The following LIX1 variants were observed in gnomAD, a reference collection of about 807,000 sequenced individuals.
LIX1 encodes protein limb expression 1 homolog.
In LIX1, 24 loss-of-function variants were observed where a neutral mutation model predicts 33.4. That is an observed-to-expected ratio of 0.72 (90% CI 0.52 to 1.01). LIX1 has a LOEUF of 1.01. LIX1 is among the 50% of genes least tolerant of loss of function. The pLI is 0.00. For synonymous variants in LIX1, 124 were observed against 124.0 expected (o/e 1.00, Z 0.00); for missense variants, 311 against 339.2 (o/e 0.92, Z 0.65).
chr5:97,113,421 T>C (rs1404288553), intron 2 of LIX1, among the ~76,000 whole-genome samples: 1 of 152,242 alleles, frequency 6.6e-6, no homozygotes, highest in Non-Finnish European at 1.5e-5. Flanking sequence ...TCACCACAGG[T>C]AATTAAGAAG....
At chr5:97,131,524 C>T (rs187217026) in intron 1 of LIX1, among the ~76,000 whole-genome samples, 5 of 145,204 alleles carry the variant, frequency 3.4e-5, no homozygotes, top group African/African-American at 1.1e-4. Flanking sequence ...GGCTGTACTT[C>T]CTTCTGGCCA....
intron 2 of LIX1, among the ~76,000 whole-genome samples, chr5:97,122,821 C>G (rs888048141): frequency 1.3e-5 from 2 of 152,166 alleles, no homozygotes; most frequent in Admixed American, 6.5e-5. Flanking sequence ...CCTCTAAATC[C>G]TTACTGAAGG....
intron 2 of LIX1, among the ~76,000 whole-genome samples, 174 bp downstream of exon 2, chr5:97,124,292 A>T (rs1747856082): frequency 6.6e-6 from 1 of 152,216 alleles, no homozygotes; most frequent in South Asian, 2.1e-4. Flanking sequence ...TTAAAAGGGT[A>T]TTTATAAAGG....
At chr5:97,120,372 G>A (rs1747747361) in intron 2 of LIX1, among the ~76,000 whole-genome samples, 1 of 152,174 alleles carries the variant, frequency 6.6e-6, no homozygotes, top group African/African-American at 2.4e-5. Context: ...AGGTCATGGG[G>A]AACATAAGGA....
chr5:97,123,929 A>G (rs1376421364), intron 2 of LIX1, among the ~76,000 whole-genome samples: 1 of 152,198 alleles, frequency 6.6e-6, no homozygotes, highest in African/African-American at 2.4e-5. Context: ...CAGAGGCAGC[A>G]TAGGTTTGTA....
intron 2 of LIX1, among the ~76,000 whole-genome samples, chr5:97,108,690 G>A (rs1424535670): frequency 2.0e-5 from 3 of 152,066 alleles, no homozygotes; most frequent in Non-Finnish European, 4.4e-5. Flanking sequence ...CCAGGCCTGG[G>A]TCCTGGTCAG....
intron 2 of LIX1, among the ~76,000 whole-genome samples, chr5:97,110,259 A>G (rs936845368): frequency 2.6e-5 from 4 of 152,208 alleles, no homozygotes; most frequent in Admixed American, 2.6e-4. Context: ...AATAATTACA[A>G]GACTTTTGAA....
chr5:97,121,401 T>C (rs944639758), intron 2 of LIX1, among the ~76,000 whole-genome samples: 4 of 152,158 alleles, frequency 2.6e-5, no homozygotes, highest in Non-Finnish European at 5.9e-5. Flanking sequence ...TTTCTAGAGC[T>C]CTTACTAAAT....
intron 2 of LIX1, among the ~76,000 whole-genome samples, chr5:97,109,390 T>C (rs1312517737): frequency 6.6e-6 from 1 of 151,838 alleles, no homozygotes; most frequent in African/African-American, 2.4e-5. Flanking sequence ...AGTAGCTGGG[T>C]CTACAGGCAC....
rs7707850 is a variant in LIX1 at position 97,116,303 on chromosome 5, G to A, written c.246+8163C>T. Among the ~76,000 whole-genome samples, 841 of 152,270 alleles carry A rather than the reference G, an allele frequency of 5.5e-3. 13 individuals carry two copies. Among genetic ancestry groups the A allele is most frequent in the African/African-American group, 0.019 (781 of 41,568 alleles). ...ATTTTTTCTCCTTCCAGATGGTGAT[G>A]TGAAAAAGGGCAACCGTTGGAACTC... is the stretch of plus-strand genomic sequence containing the variant. On this transcript the variant is annotated intron_variant, in intron 2 of 5. Coordinates refer to ENST00000274382, the MANE Select transcript of LIX1 (RefSeq NM_153234.5).
chr5:97,127,860 C>A (rs569568635), intron 1 of LIX1, among the ~76,000 whole-genome samples: 2 of 152,290 alleles, frequency 1.3e-5, no homozygotes, highest in South Asian at 4.1e-4. Context: ...GTCTAGGGAC[C>A]CATCTGCACA....
chr5:97,123,831 A>ATT (rs1326391985), intron 2 of LIX1, among the ~76,000 whole-genome samples: 1 of 152,020 alleles, frequency 6.6e-6, no homozygotes, highest in Non-Finnish European at 1.5e-5. Flanking sequence ...TAAGAGTGTC[A>ATT]TTTTTTCCCT....
rs530413949 is a variant in LIX1, at chr5:97,136,586, T to C, written c.82+5909A>G. Among the ~76,000 whole-genome samples the C allele has an allele frequency of 2.2e-3, 339 of 152,274 alleles. 5 individuals carry two copies. The highest frequency in any genetic ancestry group is 7.8e-3 in the African/African-American group (323 of 41,560). Reference sequence around the variant, plus strand: ...CTTAGGTGTGGACAAAAACACCACATTGAAGCTGTAACACTTAGTACAGAG... The same window carrying C: ...CTTAGGTGTGGACAAAAACACCACACTGAAGCTGTAACACTTAGTACAGAG... On this transcript the variant is annotated intron_variant, in intron 1 of 5. Coordinates refer to ENST00000274382, the MANE Select transcript of LIX1 (RefSeq NM_153234.5).
chr5:97,125,262 C>A (rs1747888304), intron 1 of LIX1, among the ~76,000 whole-genome samples: 1 of 152,180 alleles, frequency 6.6e-6, no homozygotes, highest in Non-Finnish European at 1.5e-5. Context: ...ATAGTAATGG[C>A]TAGAGCCATA....
chr5:97,123,192 AG>A, intron 2 of LIX1, among the ~76,000 whole-genome samples: 1 of 152,346 alleles, frequency 6.6e-6, no homozygotes, highest in East Asian at 1.9e-4. Context: ...CTCACTTGGC[AG>A]TGGTACCTGT....
In LIX1 at chr5:97,139,755, T is replaced by C. The variant is rs115694811; in HGVS notation, c.82+2740A>G. Among the ~76,000 whole-genome samples, 712 of 152,326 alleles carry C rather than the reference T, an allele frequency of 4.7e-3. 7 individuals are homozygous for C. Among genetic ancestry groups the C allele is most frequent in the African/African-American group, 0.017 (687 of 41,584 alleles). Reference sequence around the variant, plus strand: ...GGAGTCCATCTTATTTAAAACCTCTTTCCATTATTTTTCATATGAAATGTG... The same window carrying C: ...GGAGTCCATCTTATTTAAAACCTCTCTCCATTATTTTTCATATGAAATGTG... On this transcript the variant is annotated intron_variant, in intron 1 of 5. Coordinates refer to ENST00000274382, the MANE Select transcript of LIX1 (RefSeq NM_153234.5).
rs2112738665 is a variant in LIX1, at chr5:97,092,152, G to C, written c.*2596C>G. 1 of 152,406 alleles carries C rather than the reference G, an allele frequency of 6.6e-6. No homozygotes were observed. Among genetic ancestry groups the C allele is most frequent in the East Asian group, 1.9e-4 (1 of 5,316 alleles). The allele number at this position is 152,406 out of a possible 1,614,324, so 9.4% of individuals were successfully genotyped here. A position where few individuals can be genotyped will look rare whatever the true frequency, so the allele number is the denominator to read the frequency against. On this transcript the variant is annotated 3_prime_UTR_variant, in exon 6 of 6. Transcript: ENST00000274382. ...GTTCAAAATCAACAGTTCTAAACAAGAATCTAAAGATCCCCTAGGGCAATC... is the reference window on the plus strand; with the variant it reads ...GTTCAAAATCAACAGTTCTAAACAACAATCTAAAGATCCCCTAGGGCAATC...
chr5:97,106,950 A>G (rs947456701), intron 3 of LIX1, among the ~76,000 whole-genome samples: 1 of 152,230 alleles, frequency 6.6e-6, no homozygotes, highest in African/African-American at 2.4e-5. Context: ...TCGCACTTCC[A>G]GTAAACACTT....
At chr5:97,110,029 G>T (rs1368933620) in intron 2 of LIX1, among the ~76,000 whole-genome samples, 1 of 152,214 alleles carries the variant, frequency 6.6e-6, no homozygotes. Flanking sequence ...ATTGCAAATT[G>T]TGCTGCTATA....
Sources: gnomAD v4.1 joint callset for allele counts (sites outside exome capture counted in the v4.1 genomes callset) on GRCh38, gnomAD v4.1.1 for gene constraint, MANE v1.5 for transcripts, NCBI Gene and HGNC (gene_info 2026-07-23, HGNC 2026-07-21) for gene names.